Variants in CHMP5 observed in about 807,000 individuals in gnomAD.
CHMP5 encodes charged multivesicular body protein 5.
Under a neutral mutation model 33.0 loss-of-function variants are expected in CHMP5, and 17 were observed. The observed-to-expected ratio is 0.52, with a 90% confidence interval of 0.35 to 0.77. CHMP5 has a LOEUF of 0.77. Among genes scored for constraint, CHMP5 ranks in the 30% least tolerant of loss-of-function variants. The pLI is 0.01. For synonymous variants in CHMP5, 76 were observed against 90.2 expected (o/e 0.84, Z 0.89); for missense variants, 216 against 261.5 (o/e 0.83, Z 1.20).
At chr9:33,271,280 C>A in intron 5 of CHMP5, 57 bp downstream of exon 5, 1 of 1,379,138 alleles carries the variant, frequency 7.3e-7, no homozygotes, top group Non-Finnish European at 1.0e-6. Flanking sequence ...AGAATCCAAA[C>A]GAGTGTGCAT....
intron 1 of CHMP5, among the ~76,000 whole-genome samples, chr9:33,265,536 C>T (rs2661874): frequency 6.6e-6 from 1 of 152,192 alleles, no homozygotes; most frequent in African/African-American, 2.4e-5. Context: ...GCTTGATATC[C>T]TAGGTCAACA....
intron 3 of CHMP5, among the ~76,000 whole-genome samples, chr9:33,268,788 G>A (rs1396764635): frequency 6.6e-6 from 1 of 152,170 alleles, no homozygotes; most frequent in African/African-American, 2.4e-5. Context: ...AATTTACCTA[G>A]ATTCTTACTA....
Position 33,270,706 on chromosome 9 carries a change from C to T in CHMP5, c.305C>T (p.Thr102Ile), listed in dbSNP as rs1428305522. 6.2e-7 allele frequency: 1 copy of T among 1,610,716 alleles called. No homozygotes were observed. The highest frequency in any genetic ancestry group is 8.5e-7 in the Non-Finnish European group (1 of 1,177,150). Residue 102 changes from threonine to isoleucine, a missense_variant, in exon 4 of 8, where the codon ACC becomes ATC. Physicochemically the swap from Thr to Ile is moderately conservative, Grantham distance 89. Coordinates refer to ENST00000223500, the MANE Select transcript of CHMP5 (RefSeq NM_016410.6). ...ANYTIQSLKD[T>I]KTTVDAMKLG... ...TATACCATCCAGTCTTTGAAGGACA[C>T]CAAGACCACGGTACTCCCAAAACAC...
At chr9:33,265,194 C>G (rs768194877) in intron 1 of CHMP5, 47 bp downstream of exon 1, 1 of 1,578,684 alleles carries the variant, frequency 6.3e-7, no homozygotes, top group South Asian at 1.1e-5. Context: ...TCTGACACAC[C>G]CGACCCCGCC....
At chr9:33,265,389 G>C (rs1295846670) in intron 1 of CHMP5, among the ~76,000 whole-genome samples, 2 of 151,956 alleles carry the variant, frequency 1.3e-5, no homozygotes, top group Admixed American at 1.3e-4. Flanking sequence ...CCGTTTTGAT[G>C]CCCATTGCCC....
intron 3 of CHMP5, among the ~76,000 whole-genome samples, 158 bp downstream of exon 3, chr9:33,268,057 G>C (rs1390787137): frequency 1.3e-5 from 2 of 152,166 alleles, no homozygotes; most frequent in Non-Finnish European, 2.9e-5. Context: ...GTTGTTATCT[G>C]TTGTAACAAC....
chr9:33,271,595 T>G (rs982642920), intron 5 of CHMP5, among the ~76,000 whole-genome samples: 1 of 152,214 alleles, frequency 6.6e-6, no homozygotes, highest in African/African-American at 2.4e-5. Context: ...TATTATGAAA[T>G]AGGCTGTTAG....
At chr9:33,278,683 T>A (rs1207701128) in intron 7 of CHMP5, among the ~76,000 whole-genome samples, 1 of 152,122 alleles carries the variant, frequency 6.6e-6, no homozygotes, top group East Asian at 1.9e-4. Flanking sequence ...ATGGGTGGAT[T>A]TTCTAAACTA....
At chr9:33,279,270 A>G (rs562085030) in intron 7 of CHMP5, among the ~76,000 whole-genome samples, 1 of 152,126 alleles carries the variant, frequency 6.6e-6, no homozygotes, top group Non-Finnish European at 1.5e-5. Flanking sequence ...GCAGAAATTT[A>G]TGTCTTCTTT....
chr9:33,265,748 A>G (rs1218894802), intron 1 of CHMP5, among the ~76,000 whole-genome samples: 3 of 152,144 alleles, frequency 2.0e-5, no homozygotes, highest in Non-Finnish European at 4.4e-5. Context: ...AACTCAACTC[A>G]GTGATTCTCA....
At chr9:33,277,227 A>C (rs528478187) in intron 6 of CHMP5, among the ~76,000 whole-genome samples, 1 of 151,816 alleles carries the variant, frequency 6.6e-6, no homozygotes, top group South Asian at 2.1e-4. Flanking sequence ...ATAGTTGGCA[A>C]ATACTTAGTG....
At chr9:33,270,552 G>A in intron 3 of CHMP5, 71 bp from the exon 4 acceptor site, 1 of 1,157,600 alleles carries the variant, frequency 8.6e-7, no homozygotes, top group Non-Finnish European at 1.3e-6. Context: ...CTTATTTAGT[G>A]TGGGGATACT....
chr9:33,275,693 T>G (rs1820846407), intron 5 of CHMP5, among the ~76,000 whole-genome samples: 1 of 152,182 alleles, frequency 6.6e-6, no homozygotes, highest in Admixed American at 6.6e-5. Context: ...CACATAGGAC[T>G]TTGGGCTTCC....
intron 5 of CHMP5, 55 bp downstream of exon 5, chr9:33,271,278 A>T: frequency 7.2e-7 from 1 of 1,395,914 alleles, no homozygotes; most frequent in South Asian, 1.2e-5. Context: ...AGAGAATCCA[A>T]ACGAGTGTGC....
intron 4 of CHMP5, 119 bp from the exon 5 acceptor site, chr9:33,271,033 T>C (rs1269426663): frequency 7.7e-6 from 6 of 777,186 alleles, no homozygotes; most frequent in Non-Finnish European, 1.3e-5. Flanking sequence ...AGTGAGCCAT[T>C]GCACTCCAGC....
chr9:33,279,315 T>G (rs1234911147), intron 7 of CHMP5, among the ~76,000 whole-genome samples: 3 of 152,152 alleles, frequency 2.0e-5, no homozygotes, highest in Non-Finnish European at 4.4e-5. Context: ...CTGTAAAATG[T>G]GAGAGCAAAG....
At chr9:33,272,458 A>G (rs1422587488) in intron 5 of CHMP5, among the ~76,000 whole-genome samples, 1 of 151,988 alleles carries the variant, frequency 6.6e-6, no homozygotes, top group East Asian at 1.9e-4. Flanking sequence ...TTAAAATACC[A>G]GGCATTTTAT....
chr9:33,267,713 A>T (rs1290739489), intron 2 of CHMP5, 140 bp from the exon 3 acceptor site: 1 of 618,554 alleles, frequency 1.6e-6, no homozygotes, highest in East Asian at 2.8e-5. Flanking sequence ...TGGGAGGGGA[A>T]GTACAGAATC....
intron 5 of CHMP5, among the ~76,000 whole-genome samples, chr9:33,274,355 T>A (rs1056726818): frequency 2.0e-5 from 3 of 152,228 alleles, no homozygotes. Flanking sequence ...ATTACAGGCA[T>A]AAGCTACTGC....
Sources: gnomAD v4.1 joint callset for allele counts (sites outside exome capture counted in the v4.1 genomes callset) on GRCh38, gnomAD v4.1.1 for gene constraint, MANE v1.5 for transcripts, NCBI Gene and HGNC (gene_info 2026-07-23, HGNC 2026-07-21) for gene names.